RFX8: variants seen among roughly 807,000 people sequenced by gnomAD.
The protein encoded by RFX8 is DNA-binding protein RFX8.
In RFX8, 46 loss-of-function variants were observed where a neutral mutation model predicts 54.6. The observed-to-expected ratio is 0.84, with a 90% CI of 0.67 to 1.08. The LOEUF (loss-of-function observed/expected upper bound fraction) is 1.08, where lower values mean the gene tolerates loss of function less well. Among genes scored for constraint, RFX8 ranks in the 50% least tolerant of loss-of-function variants. RFX8 has a pLI of 0.00. For missense variants in RFX8, 536 were observed against 562.3 expected (o/e 0.95, Z 0.47); for synonymous variants, 192 against 209.5 (o/e 0.92, Z 0.72).
intron 2 of RFX8, among the ~76,000 whole-genome samples, chr2:101,445,423 T>C (rs1214815513): frequency 6.6e-6 from 1 of 151,994 alleles, no homozygotes; most frequent in Non-Finnish European, 1.5e-5. Flanking sequence ...GACAGGGTCT[T>C]GCTCTGTAGC....
intron 7 of RFX8, among the ~76,000 whole-genome samples, 186 bp from the exon 8 acceptor site, chr2:101,413,257 C>T (rs1686261644): frequency 6.6e-6 from 1 of 152,168 alleles, no homozygotes. Context: ...TGGAACTGCC[C>T]TTCTGGAAGG....
intron 10 of RFX8, 34 bp from the exon 11 acceptor site, chr2:101,402,786 T>C (rs2104515869): frequency 1.3e-6 from 2 of 1,501,854 alleles, no homozygotes; most frequent in Non-Finnish European, 1.8e-6. Flanking sequence ...ATGAATACAT[T>C]TGATCGACAG....
At chr2:101,406,949 G>C (rs897409655) in intron 9 of RFX8, among the ~76,000 whole-genome samples, 3 of 152,184 alleles carry the variant, frequency 2.0e-5, no homozygotes, top group Non-Finnish European at 4.4e-5. Flanking sequence ...GCACTAAACT[G>C]TGTACCAATA....
At chr2:101,415,947 A>G (rs1276308579) in intron 6 of RFX8, among the ~76,000 whole-genome samples, 1 of 152,236 alleles carries the variant, frequency 6.6e-6, no homozygotes, top group Non-Finnish European at 1.5e-5. Context: ...AGGCAGTCCA[A>G]GCATAGAAAA....
chr2:101,411,256 T>A (rs1175479697), intron 8 of RFX8, among the ~76,000 whole-genome samples: 1 of 152,232 alleles, frequency 6.6e-6, no homozygotes, highest in Admixed American at 6.5e-5. Flanking sequence ...CCCAGCTTTT[T>A]GAGTGCTTCT....
At chr2:101,423,577 AACCTCATG>A (rs1686993270) in intron 2 of RFX8, among the ~76,000 whole-genome samples, 1 of 152,058 alleles carries the variant, frequency 6.6e-6, no homozygotes, top group African/African-American at 2.4e-5. Flanking sequence ...TTTTCTCTCA[AACCTCATG>A]ACCCGCTCTC....
intron 4 of RFX8, chr2:101,421,181 A>G: frequency 2.2e-6 from 2 of 906,730 alleles, no homozygotes; most frequent in Non-Finnish European, 2.6e-6. Flanking sequence ...ATCAGGAAAA[A>G]AATCTCATTT....
Position 101,417,073 on chromosome 2 carries a change from G to T in RFX8, c.502+461C>A, listed in dbSNP as rs540077941. Among the ~76,000 whole-genome samples the T allele has an allele frequency of 1.2e-3, 188 of 152,334 alleles. 1 individual carries two copies. The highest frequency in any genetic ancestry group is 4.3e-3 in the African/African-American group (178 of 41,576). On this transcript the variant is annotated intron_variant, in intron 6 of 11. Coordinates refer to ENST00000428343, the MANE Select transcript of RFX8 (RefSeq NM_001145664.2). ...GGATCAGCACAAAAATCCATCACCAGCACTAAAAGCCAGAAACCCTGAGCA... is the reference window on the plus strand; with the variant it reads ...GGATCAGCACAAAAATCCATCACCATCACTAAAAGCCAGAAACCCTGAGCA...
intron 2 of RFX8, among the ~76,000 whole-genome samples, chr2:101,460,677 T>A (rs1325747570): frequency 2.0e-5 from 3 of 151,834 alleles, no homozygotes; most frequent in Non-Finnish European, 4.4e-5. Flanking sequence ...GTTCTTTCTC[T>A]ACACCCTGTC....
In RFX8 at chr2:101,397,721, TGAGCTGCAAGAGG is replaced by T; in HGVS notation, c.1246-10_1248del. On this transcript the variant is annotated splice_acceptor_variant and splice_polypyrimidine_tract_variant and coding_sequence_variant and intron_variant, in exon 12 of 12. Transcript: ENST00000428343. LOFTEE classifies it high-confidence loss of function. ...GTTTCATCTTCCAACAGCACCTGGA[TGAGCTGCAAGAGG>T]GAAATGTTTTAAGGGAAAAGATAAA... 3 of 1,547,408 alleles carry T rather than the reference TGAGCTGCAAGAGG, an allele frequency of 1.9e-6. No homozygotes were observed. The highest frequency in any genetic ancestry group is 2.6e-6 in the Non-Finnish European group (3 of 1,145,674).
At chr2:101,406,829 G>A (rs923895461) in intron 9 of RFX8, among the ~76,000 whole-genome samples, 2 of 152,162 alleles carry the variant, frequency 1.3e-5, no homozygotes, top group Non-Finnish European at 2.9e-5. Context: ...AAAAGCAGTG[G>A]TGCCTATTTG....
chr2:101,410,845 C>A, intron 8 of RFX8, 132 bp from the exon 9 acceptor site: 1 of 600,182 alleles, frequency 1.7e-6, no homozygotes. Flanking sequence ...GGGCCTCATG[C>A]TCATTGTGAA....
chr2:101,439,405 A>G lies in RFX8; in HGVS notation c.73-16933T>C, dbSNP rs1036103597. Reference sequence around the variant, plus strand: ...TGATTTTGATGTGGTCCAACTTTACATTTTCTTTTTATGGATCATACTTCT... The same window carrying G: ...TGATTTTGATGTGGTCCAACTTTACGTTTTCTTTTTATGGATCATACTTCT... On this transcript the variant is annotated intron_variant, in intron 2 of 11. Transcript: ENST00000428343. Among the ~76,000 whole-genome samples, 6 of 151,896 alleles carry G rather than the reference A, an allele frequency of 4.0e-5. No homozygotes were observed. The East Asian group carries it at 1.2e-3, about 30-fold the overall frequency.
At chr2:101,474,393 CG>C in intron 1 of RFX8, 1 of 383,426 alleles carries the variant, frequency 2.6e-6, no homozygotes, top group Non-Finnish European at 4.6e-6. Flanking sequence ...AAGGAGCGCG[CG>C]GGGGGCGCGC....
intron 1 of RFX8, among the ~76,000 whole-genome samples, chr2:101,469,058 A>C (rs1573497892): frequency 6.7e-5 from 1 of 14,860 alleles, no homozygotes; most frequent in Non-Finnish European, 1.3e-4. Context: ...ATATATACGT[A>C]TATATATGTA....
chr2:101,468,196 G>A (rs1689686153), intron 1 of RFX8, among the ~76,000 whole-genome samples: 1 of 152,180 alleles, frequency 6.6e-6, no homozygotes, highest in Non-Finnish European at 1.5e-5. Context: ...AATTACCACA[G>A]GCCCAGTGGC....
intron 2 of RFX8, among the ~76,000 whole-genome samples, chr2:101,448,095 A>C (rs1688489079): frequency 6.6e-6 from 1 of 152,160 alleles, no homozygotes; most frequent in South Asian, 2.1e-4. Context: ...TTCATGGCCT[A>C]ATCATCTTGG....
At position 101,406,042 on chromosome 2, in the gene RFX8, C is replaced by T; in HGVS notation, c.829G>A (p.Glu277Lys). The part of the protein sequence containing the change: ...AFVFQTSRSK[E>K]EFTKLAASFQ... Reference sequence around the variant, plus strand: ...CTGGCGGCCAATTTGGTAAACTCTTCTTTGCTTCTGCTTGTCTGTTAAGTT... The same window carrying T: ...CTGGCGGCCAATTTGGTAAACTCTTTTTTGCTTCTGCTTGTCTGTTAAGTT... Residue 277 changes from glutamate to lysine, a missense_variant, in exon 10 of 12, where the codon GAA becomes AAA. Physicochemically the swap from Glu to Lys is moderately conservative, Grantham distance 56. Coordinates refer to ENST00000428343, the MANE Select transcript of RFX8 (RefSeq NM_001145664.2). 1 of 1,544,320 alleles carries T rather than the reference C, an allele frequency of 6.5e-7. No individual in the cohort carries two copies. The highest frequency in any genetic ancestry group is 8.7e-7 in the Non-Finnish European group (1 of 1,143,450).
intron 2 of RFX8, among the ~76,000 whole-genome samples, chr2:101,427,172 C>A (rs1176095888): frequency 6.6e-6 from 1 of 152,186 alleles, no homozygotes; most frequent in African/African-American, 2.4e-5. Context: ...CAGGCAGAAT[C>A]AGGCCCCTCC....
Sources: gnomAD v4.1 joint callset for allele counts (sites outside exome capture counted in the v4.1 genomes callset) on GRCh38, gnomAD v4.1.1 for gene constraint, MANE v1.5 for transcripts, NCBI Gene and HGNC (gene_info 2026-07-23, HGNC 2026-07-21) for gene names.